The following PACRG variants were observed in gnomAD, a reference collection of about 807,000 sequenced individuals.
PACRG encodes the protein parkin coregulated.
In PACRG, 29 loss-of-function variants were observed where a neutral mutation model predicts 29.7. The ratio of observed to expected loss-of-function variants is 0.98; its 90% CI spans 0.73 to 1.33. PACRG has a LOEUF of 1.33. Ranked by LOEUF, PACRG falls within the 40% of genes most tolerant of loss-of-function variation. The probability of loss-of-function intolerance (pLI) is 0.00; values close to 1 mark genes in which losing one functional copy is unlikely to be tolerated. For missense variants in PACRG, 279 were observed against 316.2 expected, an observed-to-expected ratio of 0.88 and a Z score of 0.89; for synonymous variants, 116 against 118.7, an observed-to-expected ratio of 0.98 and a Z score of 0.15.
At chr6:163,244,227 T>G (rs1408408704) in intron 4 of PACRG, among the ~76,000 whole-genome samples, 2 of 152,314 alleles carry the variant, frequency 1.3e-5, no homozygotes, top group African/African-American at 2.4e-5. Flanking sequence ...TCATTTTTTT[T>G]CCTAAAAGAA....
intron 2 of PACRG, among the ~76,000 whole-genome samples, chr6:162,916,777 C>CT (rs1251380358): frequency 2.0e-5 from 3 of 151,926 alleles, no homozygotes; most frequent in Non-Finnish European, 4.4e-5. Context: ...TTAATTGTTT[C>CT]TTATCCTCAA....
At chr6:163,004,709 T>TGTGTGG (rs1804886284) in intron 2 of PACRG, among the ~76,000 whole-genome samples, 1 of 132,132 alleles carries the variant, frequency 7.6e-6, no homozygotes, top group Non-Finnish European at 1.5e-5. Context: ...CTAGTGTGTG[T>TGTGTGG]GTGTGTGTGT....
chr6:163,064,617 G>A (rs1458120115), intron 3 of PACRG, among the ~76,000 whole-genome samples: 1 of 152,186 alleles, frequency 6.6e-6, no homozygotes, highest in African/African-American at 2.4e-5. Flanking sequence ...GTAAGGTCAT[G>A]CACAGTTCCA....
intron 2 of PACRG, among the ~76,000 whole-genome samples, chr6:163,037,867 G>A (rs890735214): frequency 7.2e-5 from 11 of 152,246 alleles, no homozygotes; most frequent in East Asian, 3.9e-4. Flanking sequence ...CACTCCCTCT[G>A]GCTTCCCTAC....
Position 162,957,546 on chromosome 6 carries a change from G to T in PACRG, c.292-104604G>T, listed in dbSNP as rs539486940. The T allele has an allele frequency of 1.3e-4, 39 of 294,348 alleles. 2 individuals are homozygous for T. The South Asian group carries it at 1.9e-3, about 15-fold the overall frequency. 18.2% of individuals were successfully genotyped at this position (294,348 alleles called of 1,614,324 possible). On this transcript the variant is annotated intron_variant, in intron 2 of 4. Coordinates refer to ENST00000366888, the MANE Select transcript of PACRG (RefSeq NM_001080379.2). ...CTAGTTTTGCTAGAGCTGTATTGTA[G>T]GAAGCCTAAGGCAGTATGTCTAAGA...
intron 1 of PACRG, among the ~76,000 whole-genome samples, chr6:162,756,073 A>G (rs1412947755): frequency 6.6e-6 from 1 of 152,268 alleles, no homozygotes; most frequent in African/African-American, 2.4e-5. Context: ...AACATGGTCT[A>G]TCCTGAAGAA....
At chr6:163,203,848 G>C (rs148179334) in intron 4 of PACRG, among the ~76,000 whole-genome samples, 4 of 152,162 alleles carry the variant, frequency 2.6e-5, no homozygotes, top group South Asian at 2.1e-4. Flanking sequence ...GCTAATAGAG[G>C]TTTCTGCAAA....
At chr6:162,909,066 C>A (rs1007915187) in intron 2 of PACRG, among the ~76,000 whole-genome samples, 4 of 152,176 alleles carry the variant, frequency 2.6e-5, no homozygotes, top group Non-Finnish European at 5.9e-5. Context: ...TAACTTCTTC[C>A]TTTTCCTGCT....
chr6:162,816,514 G>A (rs912877403), intron 2 of PACRG, among the ~76,000 whole-genome samples: 8 of 152,010 alleles, frequency 5.3e-5, no homozygotes, highest in Non-Finnish European at 8.8e-5. Flanking sequence ...CACCACGCCC[G>A]GCTAATTTTT....
chr6:162,859,528 C>G (rs1791680749), intron 2 of PACRG, among the ~76,000 whole-genome samples: 1 of 152,158 alleles, frequency 6.6e-6, no homozygotes, highest in South Asian at 2.1e-4. Flanking sequence ...CTCTCACCTT[C>G]TCCCTCCCTC....
intron 2 of PACRG, among the ~76,000 whole-genome samples, chr6:162,959,374 G>A (rs1562780594): frequency 6.6e-6 from 1 of 152,074 alleles, no homozygotes; most frequent in Non-Finnish European, 1.5e-5. Flanking sequence ...GTGAAGACCT[G>A]AAAGAGATGA....
intron 4 of PACRG, among the ~76,000 whole-genome samples, chr6:163,136,805 A>G (rs1231155671): frequency 6.6e-6 from 1 of 152,238 alleles, no homozygotes; most frequent in Non-Finnish European, 1.5e-5. Flanking sequence ...TTATTCAACT[A>G]AATACTTTCT....
intron 1 of PACRG, among the ~76,000 whole-genome samples, chr6:162,780,499 A>C (rs1784015609): frequency 6.6e-6 from 1 of 152,202 alleles, no homozygotes. Flanking sequence ...AGTAATATCC[A>C]AAATGTCTGG....
chr6:162,827,053 A>G (rs1562637847), intron 2 of PACRG, among the ~76,000 whole-genome samples: 2 of 152,302 alleles, frequency 1.3e-5, no homozygotes, highest in East Asian at 3.9e-4. Context: ...ATTAATTTTT[A>G]TTTTTGAAGA....
At chr6:163,273,556 A>T (rs2128181072) in intron 4 of PACRG, among the ~76,000 whole-genome samples, 1 of 152,284 alleles carries the variant, frequency 6.6e-6, no homozygotes, top group South Asian at 2.1e-4. Flanking sequence ...AGTTTTGACT[A>T]ATTATATTTT....
chr6:163,206,714 A>T (rs1037516007), intron 4 of PACRG, among the ~76,000 whole-genome samples: 1 of 152,180 alleles, frequency 6.6e-6, no homozygotes, highest in African/African-American at 2.4e-5. Flanking sequence ...AAACCCCCAA[A>T]AAAGAAATAT....
upstream of PACRG, chr6:162,727,517 C>T: frequency 1.1e-6 from 1 of 888,676 alleles, no homozygotes; most frequent in Non-Finnish European, 1.7e-6. Flanking sequence ...GGGAGCCCGG[C>T]GGCGCGGGCC....
intron 2 of PACRG, among the ~76,000 whole-genome samples, chr6:162,978,220 A>G (rs1025680879): frequency 1.3e-5 from 2 of 152,186 alleles, no homozygotes; most frequent in African/African-American, 4.8e-5. Context: ...TACTTAGAAT[A>G]TGGCTGAAGA....
chr6:163,059,218 C>A (rs903017490), intron 2 of PACRG, among the ~76,000 whole-genome samples: 1 of 152,182 alleles, frequency 6.6e-6, no homozygotes. Context: ...CTCTCTCACT[C>A]GCTCAATCTT....
Sources: gnomAD v4.1 joint callset for allele counts (sites outside exome capture counted in the v4.1 genomes callset) on GRCh38, gnomAD v4.1.1 for gene constraint, MANE v1.5 for transcripts, NCBI Gene and HGNC (gene_info 2026-07-23, HGNC 2026-07-21) for gene names.